VEZT: variants seen among roughly 807,000 people sequenced by gnomAD.
VEZT encodes vezatin, adherens junctions transmembrane protein, also known as vezatin.
VEZT carries 39 observed loss-of-function variants against 79.9 expected under a neutral mutation model. The observed-to-expected ratio is 0.49, with a 90% CI of 0.38 to 0.64. VEZT has a LOEUF of 0.64. Ranked by LOEUF, VEZT falls within the 30% of genes least tolerant of loss-of-function variation. The probability of loss-of-function intolerance (pLI) is 0.00; values close to 1 mark genes in which losing one functional copy is unlikely to be tolerated. For missense variants in VEZT, 837 were observed against 893.1 expected, an observed-to-expected ratio of 0.94 and a Z score of 0.80; for synonymous variants, 325 against 327.6, an observed-to-expected ratio of 0.99 and a Z score of 0.09.
chr12:95,255,231 C>CA (rs1008230461), intron 2 of VEZT, among the ~76,000 whole-genome samples: 4 of 152,076 alleles, frequency 2.6e-5, no homozygotes, highest in African/African-American at 4.8e-5. Context: ...AACAAACAAA[C>CA]AAAAAGTGTT....
intron 1 of VEZT, among the ~76,000 whole-genome samples, chr12:95,229,772 C>T (rs953875165): frequency 2.0e-5 from 3 of 152,084 alleles, no homozygotes; most frequent in Non-Finnish European, 2.9e-5. Flanking sequence ...TCAGTGTACT[C>T]GACAGGGGCA....
intron 7 of VEZT, among the ~76,000 whole-genome samples, chr12:95,279,513 C>T (rs963412744): frequency 3.9e-5 from 6 of 152,182 alleles, no homozygotes; most frequent in Admixed American, 6.5e-5. Context: ...GAGGAGCTTT[C>T]CTTATCCAAA....
In VEZT at chr12:95,274,677, C is replaced by T. The variant is rs1457012099; in HGVS notation, c.849-65C>T. ...AAAGATTAGGGAATGTGATATAGGA[C>T]AATTTCACTGTATCTTTTATGCTTT... On this transcript the variant is annotated intron_variant, in intron 6 of 11. Coordinates refer to ENST00000436874, the MANE Select transcript of VEZT (RefSeq NM_017599.4). 4 of 1,520,530 alleles carry T rather than the reference C, an allele frequency of 2.6e-6. No individual in the cohort carries two copies. In the African/African-American group the frequency reaches 4.2e-5, roughly 16 times the overall value. The allele number at this position is 1,520,530 out of a possible 1,614,324, so 94.2% of individuals were successfully genotyped here. A position where few individuals can be genotyped will look rare whatever the true frequency, so the allele number is the denominator to read the frequency against.
At chr12:95,247,452 A>G (rs2061874344) in intron 1 of VEZT, among the ~76,000 whole-genome samples, 1 of 152,194 alleles carries the variant, frequency 6.6e-6, no homozygotes, top group South Asian at 2.1e-4. Context: ...GTGTAAAACA[A>G]TCTGTTCTTC....
At chr12:95,265,687 C>T (rs956846944) in intron 4 of VEZT, among the ~76,000 whole-genome samples, 14 of 151,608 alleles carry the variant, frequency 9.2e-5, no homozygotes, top group Admixed American at 9.2e-4. Context: ...TTTGGGGTCA[C>T]AGAAGAGGGG....
intron 1 of VEZT, among the ~76,000 whole-genome samples, chr12:95,241,282 C>T (rs768503300): frequency 2.0e-5 from 3 of 152,014 alleles, no homozygotes; most frequent in African/African-American, 4.8e-5. Flanking sequence ...AGTGACCCAC[C>T]CATCTTGGCC....
chr12:95,286,489 A>C (rs1443122329), intron 8 of VEZT: 1 of 553,604 alleles, frequency 1.8e-6, no homozygotes, highest in African/African-American at 1.9e-5. Flanking sequence ...TTCAGGATCA[A>C]GACCTCTGGC....
At chr12:95,255,063 A>G (rs2063247388) in intron 2 of VEZT, among the ~76,000 whole-genome samples, 1 of 152,062 alleles carries the variant, frequency 6.6e-6, no homozygotes, top group African/African-American at 2.4e-5. Context: ...GGCTTTGCTG[A>G]GTTCCAGGTG....
chr12:95,256,496 T>A, intron 2 of VEZT: 1 of 965,956 alleles, frequency 1.0e-6, no homozygotes, highest in Non-Finnish European at 1.4e-6. Context: ...CTATACTAAG[T>A]TCTTGAAAAC....
intron 6 of VEZT, among the ~76,000 whole-genome samples, chr12:95,274,374 G>GA (rs1486305559): frequency 1.3e-5 from 2 of 152,192 alleles, no homozygotes; most frequent in Non-Finnish European, 2.9e-5. Context: ...GCTGAGACAT[G>GA]AGAATTGCTT....
rs1161065987 is a variant in VEZT at position 95,294,378 on chromosome 12, G to A, written c.1623+6G>A. The A allele has an allele frequency of 3.2e-6, 5 of 1,563,964 alleles. No homozygotes were observed. The highest frequency in any genetic ancestry group is 1.4e-5 in the African/African-American group (1 of 73,622). ...ATCCAATCCCAGAGGAGCAGGTAAG[G>A]GTGAAAATTACTGTTCTTTCCCTTG... On this transcript the variant is annotated splice_donor_region_variant and intron_variant, in intron 10 of 11. Transcript: ENST00000436874.
At chr12:95,257,323 C>T in intron 3 of VEZT, 84 bp downstream of exon 3, 1 of 1,082,442 alleles carries the variant, frequency 9.2e-7, no homozygotes, top group Non-Finnish European at 1.3e-6. Context: ...GTTTTGCTAT[C>T]AATTTGGCCA....
chr12:95,260,298 GTTTCACT>G (rs1261124989), intron 3 of VEZT, among the ~76,000 whole-genome samples: 1 of 151,844 alleles, frequency 6.6e-6, no homozygotes, highest in African/African-American at 2.4e-5. Context: ...TAGAGATGAG[GTTTCACT>G]CTGTTGGCCA....
chr12:95,289,089 A>AAAAAAAT (rs1555292132), intron 9 of VEZT, among the ~76,000 whole-genome samples: 287 of 101,714 alleles, frequency 2.8e-3, no homozygotes, highest in Middle Eastern at 5.1e-3. Context: ...CTCAAAAAAA[A>AAAAAAAT]AAATAAATAA....
Position 95,274,904 on chromosome 12 carries a change from T to G in VEZT, c.996+15T>G. ...CTGCATTGAAGGTAATCCATTTGTG[T>G]AAGGGAAGGGCTGAAGAAAAAATAG... On this transcript the variant is annotated intron_variant, in intron 7 of 11. Transcript: ENST00000436874. 1 of 1,609,984 alleles carries G rather than the reference T, an allele frequency of 6.2e-7. No individual in the cohort carries two copies. The highest frequency in any genetic ancestry group is 2.2e-5 in the East Asian group (1 of 44,814).
At chr12:95,251,260 C>A (rs1020409630) in intron 1 of VEZT, among the ~76,000 whole-genome samples, 12 of 152,218 alleles carry the variant, frequency 7.9e-5, no homozygotes, top group African/African-American at 2.9e-4. Flanking sequence ...ATCCACCCAC[C>A]TTGTCCTCCC....
At chr12:95,237,327 G>A (rs2060329013) in intron 1 of VEZT, among the ~76,000 whole-genome samples, 1 of 152,060 alleles carries the variant, frequency 6.6e-6, no homozygotes, top group African/African-American at 2.4e-5. Context: ...AAAATACTTA[G>A]ATTAATTCCT....
At chr12:95,229,796 T>C (rs1360538095) in intron 1 of VEZT, among the ~76,000 whole-genome samples, 2 of 152,194 alleles carry the variant, frequency 1.3e-5, no homozygotes, top group East Asian at 3.9e-4. Context: ...TGTTAGAAAG[T>C]GTACTAACTT....
At chr12:95,222,341 C>T (rs2057741029) in intron 1 of VEZT, among the ~76,000 whole-genome samples, 1 of 152,164 alleles carries the variant, frequency 6.6e-6, no homozygotes, top group African/African-American at 2.4e-5. Context: ...AAGTGAAGAT[C>T]AACATTTTTT....
Sources: allele counts gnomAD v4.1 joint callset (sites outside exome capture counted in the v4.1 genomes callset), GRCh38; gene constraint gnomAD v4.1.1; transcripts MANE v1.5; gene names NCBI Gene and HGNC (gene_info 2026-07-23, HGNC 2026-07-21).